Variants in PDZD8 observed in about 807,000 individuals in gnomAD.
PDZD8 encodes PDZ domain-containing protein 8.
In PDZD8, 14 loss-of-function variants were observed where a neutral mutation model predicts 85.8. That is an observed-to-expected ratio of 0.16 (90% CI 0.11 to 0.26). The LOEUF (loss-of-function observed/expected upper bound fraction) is 0.26, where lower values mean the gene tolerates loss of function less well. Ranked by LOEUF, PDZD8 falls within the 10% of genes least tolerant of loss-of-function variation. The pLI, the probability that PDZD8 is intolerant of heterozygous loss-of-function variation, is 1.00. For synonymous variants in PDZD8, 592 were observed against 568.6 expected (o/e 1.04, Z -0.59); for missense variants, 1,197 against 1,424.3 (o/e 0.84, Z 2.57).
rs1339269635 is a variant in PDZD8, at chr10:117,284,823, T to G, written c.1910A>C (p.Lys637Thr). The change falls in exon 5 of 5, where the codon AAA (lysine) becomes ACA (threonine). Residue 637 changes from lysine to threonine, a missense_variant. Lys to Thr is a moderately conservative substitution (Grantham distance 78). Around this residue, in one of 4 missense-constraint regions of PDZD8, gnomAD observed 263 missense variants for 261.9 expected, o/e 1.00. Transcript: ENST00000334464. ...TGCATCGTCTATGGCATCCACATTT[T>G]TTGCTTGCTTTTCAGCAGATTTATC... is the stretch of plus-strand genomic sequence containing the variant. ...LVDKSAEKQA[K>T]NVDAIDDAAA... The G allele has an allele frequency of 3.1e-6, 5 of 1,614,228 alleles. No homozygotes were observed. Among genetic ancestry groups the G allele is most frequent in the Non-Finnish European group, 4.2e-6 (5 of 1,180,034 alleles).
chr10:117,369,106 T>C (rs1300743532), intron 1 of PDZD8, among the ~76,000 whole-genome samples: 1 of 151,822 alleles, frequency 6.6e-6, no homozygotes, highest in Non-Finnish European at 1.5e-5. Context: ...AGTGCTGAGA[T>C]TACAGGCATC....
chr10:117,285,184 A>G lies in PDZD8; in HGVS notation c.1549T>C (p.Ser517Pro). ...AQNEFKDEAQ[S>P]LSHSPKRVPT... ...ACACGTTTGGGACTATGACTTAATG[A>G]TTGTGCCTCATCTTTGAACTCATTT... The change falls in exon 5 of 5, where the codon TCA becomes CCA. Residue 517 changes from serine (S) to proline (P), a missense_variant. Around this residue, in one of 4 missense-constraint regions of PDZD8, gnomAD observed 263 missense variants for 261.9 expected, o/e 1.00. Coordinates refer to ENST00000334464, the MANE Select transcript of PDZD8 (RefSeq NM_173791.5). 6.2e-7 allele frequency: 1 copy of G among 1,614,148 alleles called. No individual in the cohort carries two copies. Among genetic ancestry groups the G allele is most frequent in the Non-Finnish European group, 8.5e-7 (1 of 1,180,022 alleles).
chr10:117,345,395 G>A (rs1844687410), intron 1 of PDZD8, among the ~76,000 whole-genome samples: 1 of 152,174 alleles, frequency 6.6e-6, no homozygotes, highest in African/African-American at 2.4e-5. Context: ...AACTATTCCT[G>A]AAGGAGGCAC....
At chr10:117,303,679 G>A (rs1843886039) in intron 3 of PDZD8, among the ~76,000 whole-genome samples, 1 of 152,238 alleles carries the variant, frequency 6.6e-6, no homozygotes, top group South Asian at 2.1e-4. Context: ...TGGGCCCAGG[G>A]TCCCTGTGCT....
At chr10:117,304,882 T>C (rs1843908292) in intron 3 of PDZD8, among the ~76,000 whole-genome samples, 1 of 152,204 alleles carries the variant, frequency 6.6e-6, no homozygotes, top group South Asian at 2.1e-4. Context: ...GGTATGTCTT[T>C]ATCAGCAGCG....
At position 117,309,092 on chromosome 10, in the gene PDZD8, T is replaced by A. The variant is rs569705049; in HGVS notation, c.1098+9780A>T. Among the ~76,000 whole-genome samples the A allele has an allele frequency of 1.2e-3, 185 of 152,254 alleles. 1 individual carries two copies. The highest frequency in any genetic ancestry group is 2.0e-3 in the Non-Finnish European group (138 of 67,990). On this transcript the variant is annotated intron_variant, in intron 3 of 4. Transcript: ENST00000334464. Reference sequence around the variant, plus strand: ...GGATTTTTATAGGAAGGTGCTACTGTGCCTTGAAAAGGATGTTTTAACTAG... The same window carrying A: ...GGATTTTTATAGGAAGGTGCTACTGAGCCTTGAAAAGGATGTTTTAACTAG...
In PDZD8 at chr10:117,284,230, C is replaced by G. The variant is rs1844617167; in HGVS notation, c.2503G>C (p.Gly835Arg). ...PKEEQFVGQM[G>R]LTENKHSFQD... ...AAACTGTGTTTGTTTTCTGTTAAAC[C>G]CATCTGTCCAACAAATTGCTCCTCT... The change falls in exon 5 of 5, where the codon GGT becomes CGT. Residue 835 changes from glycine to arginine, a missense_variant. Physicochemically the swap from Gly to Arg is moderately radical, Grantham distance 125. Transcript: ENST00000334464. The G allele has an allele frequency of 3.1e-6, 5 of 1,614,002 alleles. No individual in the cohort carries two copies. The highest frequency in any genetic ancestry group is 4.2e-6 in the Non-Finnish European group (5 of 1,180,022).
At chr10:117,326,443 C>T (rs1476492702) in intron 2 of PDZD8, among the ~76,000 whole-genome samples, 1 of 152,180 alleles carries the variant, frequency 6.6e-6, no homozygotes, top group African/African-American at 2.4e-5. Flanking sequence ...TTGGAACAAG[C>T]CTCCTCATCA....
chr10:117,353,016 A>G (rs2133866238), intron 1 of PDZD8, among the ~76,000 whole-genome samples: 1 of 152,272 alleles, frequency 6.6e-6, no homozygotes, highest in Admixed American at 6.5e-5. Flanking sequence ...TGGGGTTGTA[A>G]TAAGTCCTAA....
intron 2 of PDZD8, among the ~76,000 whole-genome samples, chr10:117,319,392 A>AACAC (rs199983551): frequency 0.019 from 1,942 of 101,774 alleles, 30 homozygotes; most frequent in African/African-American, 0.053. Flanking sequence ...ATTGCTCATA[A>AACAC]ACACACACAC....
intron 1 of PDZD8, among the ~76,000 whole-genome samples, chr10:117,369,284 G>C (rs1218926235): frequency 2.0e-5 from 3 of 151,698 alleles, no homozygotes; most frequent in Non-Finnish European, 2.9e-5. Context: ...TCAGCCTCCT[G>C]AGTAACTGGA....
Position 117,283,491 on chromosome 10 carries a change from C to T in PDZD8, c.3242G>A (p.Gly1081Asp). 1 of 1,614,178 alleles carries T rather than the reference C, an allele frequency of 6.2e-7. No homozygotes were observed. The highest frequency in any genetic ancestry group is 1.7e-5 in the Admixed American group (1 of 60,024). ...SLLSAALAKS[G>D]ERLQALTLLM... The stretch of plus-strand genomic sequence containing the variant: ...AAGTGTTAGAGCTTGTAGCCTTTCA[C>T]CTGATTTAGCTAAGGCAGCAGAAAG... The change falls in exon 5 of 5, where the codon GGT becomes GAT. Residue 1081 changes from glycine (G) to aspartate (D), a missense_variant. Around this residue, in one of 4 missense-constraint regions of PDZD8, gnomAD observed 418 missense variants for 571.1 expected, o/e 0.73. Transcript: ENST00000334464.
At chr10:117,340,852 A>G (rs1844599319) in intron 2 of PDZD8, 128 bp downstream of exon 2, 1 of 1,094,866 alleles carries the variant, frequency 9.1e-7, no homozygotes, top group African/African-American at 1.6e-5. Context: ...ATGATATTAA[A>G]TTTACAATTA....
Position 117,341,108 on chromosome 10 carries a change from A to G in PDZD8, c.873-6T>C. The G allele has an allele frequency of 6.2e-7, 1 of 1,611,088 alleles. No individual in the cohort carries two copies. The highest frequency in any genetic ancestry group is 8.5e-7 in the Non-Finnish European group (1 of 1,177,366). ...ATGGAAAAAACGGCTTAAACCTGAC[A>G]AAAGTAAAGATAAGTCTAAATGTCT... On this transcript the variant is annotated splice_region_variant and splice_polypyrimidine_tract_variant and intron_variant, in intron 1 of 4. Transcript: ENST00000334464.
intron 2 of PDZD8, among the ~76,000 whole-genome samples, chr10:117,320,477 C>T (rs1844210730): frequency 6.6e-6 from 1 of 151,916 alleles, no homozygotes; most frequent in Non-Finnish European, 1.5e-5. Context: ...AAAAATTTAA[C>T]AAAAATTAAC....
intron 1 of PDZD8, among the ~76,000 whole-genome samples, chr10:117,372,069 G>A (rs181343582): frequency 7.2e-4 from 109 of 152,298 alleles, no homozygotes; most frequent in Admixed American, 2.5e-3. Context: ...TCTACAACAA[G>A]GATAAGCATA....
rs920498060 is a variant in PDZD8, at chr10:117,374,293, C to G, written c.872+63G>C. On this transcript the variant is annotated intron_variant, in intron 1 of 4. Transcript: ENST00000334464. This position sits in a 1 kb window ranked among gnomAD's most constrained non-coding sequence, Gnocchi z 7.8. The stretch of plus-strand genomic sequence containing the variant: ...ATGAGCCTTTGCCCTTCCCAATCCA[C>G]GCAGCGTCCCGCCCAGGCCCGGGTT... The G allele has an allele frequency of 4.2e-5, 66 of 1,581,054 alleles. No homozygotes were observed. The highest frequency in any genetic ancestry group is 1.7e-4 in the South Asian group (14 of 84,376).
chr10:117,308,067 C>A (rs954247651), intron 3 of PDZD8, among the ~76,000 whole-genome samples: 5 of 152,076 alleles, frequency 3.3e-5, no homozygotes, highest in Non-Finnish European at 7.4e-5. Context: ...AACATCCATG[C>A]TATGATATTA....
chr10:117,373,604 C>CAAAAAAAAAAA (rs796930758), intron 1 of PDZD8, among the ~76,000 whole-genome samples: 5 of 52,430 alleles, frequency 9.5e-5, no homozygotes, highest in Admixed American at 2.8e-4. Context: ...CTAAAAAATA[C>CAAAAAAAAAAA]AAAAAAAAAA....
Sources: gnomAD v4.1 joint callset for allele counts (sites outside exome capture counted in the v4.1 genomes callset) on GRCh38, gnomAD v4.1.1 for gene constraint, gnomAD v4.1.1 regional missense constraint, Gnocchi (gnomAD v3.1) non-coding constraint, MANE v1.5 for transcripts, NCBI Gene and HGNC (gene_info 2026-07-23, HGNC 2026-07-21) for gene names.